The following VWF variants were observed in gnomAD, a reference collection of about 807,000 sequenced individuals.
VWF encodes Factor VIII related antigen.
A neutral mutation model predicts 308.6 loss-of-function variants in VWF; 176 were observed. The observed-to-expected ratio is 0.57, with a 90% confidence interval of 0.50 to 0.65. The LOEUF is 0.65. VWF is among the 30% of genes least tolerant of loss of function. VWF has a pLI of 0.00. For synonymous variants in VWF, 1,385 were observed against 1,443.4 expected (o/e 0.96, Z 0.92); for missense variants, 3,146 against 3,648.2 (o/e 0.86, Z 3.55).
intron 34 of VWF, among the ~76,000 whole-genome samples, chr12:6,009,464 C>CACACACACA: frequency 6.9e-6 from 1 of 144,916 alleles, no homozygotes; most frequent in Non-Finnish European, 1.5e-5. Context: ...CACACACACA[C>CACACACACA]CAGGAAATAC....
chr12:6,093,513 C>T (rs1475775868), intron 6 of VWF, among the ~76,000 whole-genome samples: 3 of 152,202 alleles, frequency 2.0e-5, no homozygotes, highest in South Asian at 2.1e-4. Context: ...CAAGGCTGCT[C>T]GAGAGCTCCC....
chr12:6,119,002 C>T (rs1945401364), intron 3 of VWF, among the ~76,000 whole-genome samples: 1 of 152,248 alleles, frequency 6.6e-6, no homozygotes, highest in Admixed American at 6.5e-5. Flanking sequence ...CTTTTCACTA[C>T]CTCCCTGGTT....
At chr12:6,114,262 G>T (rs970841196) in intron 3 of VWF, among the ~76,000 whole-genome samples, 2 of 152,204 alleles carry the variant, frequency 1.3e-5, no homozygotes, top group Non-Finnish European at 2.9e-5. Context: ...GAGGCAGCCA[G>T]GCAGCTTGGG....
chr12:5,971,823 G>C lies in VWF; in HGVS notation c.7438-114C>G, dbSNP rs1943480265. 1.3e-5 allele frequency: 12 copies of C among 911,812 alleles called. No homozygotes were observed. The South Asian group carries it at 1.6e-4, about 12-fold the overall frequency. The allele number at this position is 911,812 out of a possible 1,614,324, so 56.5% of individuals were successfully genotyped here. A position where few individuals can be genotyped will look rare whatever the true frequency, so the allele number is the denominator to read the frequency against. ...GGTTGTGCCAAGTGATCACTGGTCT[G>C]GGCATTTTCATCTTTGTTGTCAACC... On this transcript the variant is annotated intron_variant, in intron 43 of 51. Transcript: ENST00000261405.
intron 34 of VWF, among the ~76,000 whole-genome samples, chr12:5,999,463 T>TACACACAC (rs1399125118): frequency 9.1e-6 from 1 of 109,878 alleles, no homozygotes; most frequent in Non-Finnish European, 1.8e-5. Context: ...GATCCACATG[T>TACACACAC]ACACACATAC....
intron 38 of VWF, among the ~76,000 whole-genome samples, chr12:5,990,358 C>A (rs1358000303): frequency 6.6e-6 from 1 of 152,110 alleles, no homozygotes; most frequent in Non-Finnish European, 1.5e-5. Context: ...ATAGGATGTG[C>A]GATTATGACC....
chr12:5,982,241 A>G (rs949785083), intron 41 of VWF, among the ~76,000 whole-genome samples: 5 of 152,180 alleles, frequency 3.3e-5, no homozygotes, highest in African/African-American at 4.8e-5. Context: ...AGGCTGCTCA[A>G]TCCCTGCTCT....
intron 24 of VWF, 24 bp from the exon 25 acceptor site, chr12:6,023,811 C>G: frequency 6.2e-7 from 1 of 1,609,880 alleles, no homozygotes; most frequent in Non-Finnish European, 8.5e-7. Flanking sequence ...CTCAGGTGGC[C>G]CAGGCCTATG....
At chr12:5,951,187 T>C (rs1341347179) in intron 50 of VWF, among the ~76,000 whole-genome samples, 1 of 152,170 alleles carries the variant, frequency 6.6e-6, no homozygotes, top group African/African-American at 2.4e-5. Flanking sequence ...AACACAAGCA[T>C]GTATGGGAAG....
intron 34 of VWF, among the ~76,000 whole-genome samples, chr12:6,009,239 CA>C (rs4021588): frequency 0.052 from 6,479 of 125,436 alleles, 163 homozygotes; most frequent in Non-Finnish European, 0.071. Context: ...AACTCAATAG[CA>C]AAAAAAAAAA....
At position 5,948,993 on chromosome 12, in the gene VWF, C is replaced by T; in HGVS notation, c.*22G>A. 4 of 1,605,668 alleles carry T rather than the reference C, an allele frequency of 2.5e-6. No individual in the cohort carries two copies. Among genetic ancestry groups the T allele is most frequent in the South Asian group, 2.2e-5 (2 of 89,754 alleles). ...TCAGGCCAAGGCAGGCAGCAGCAGGCACCCATGCAGCTGCAGCAGCCTCAC... is the reference window on the plus strand; with the variant it reads ...TCAGGCCAAGGCAGGCAGCAGCAGGTACCCATGCAGCTGCAGCAGCCTCAC... On this transcript the variant is annotated 3_prime_UTR_variant, in exon 52 of 52. Transcript: ENST00000261405. The surrounding 1 kb of genome is among the most constrained non-coding windows in gnomAD (Gnocchi z 4.4).
chr12:6,085,819 G>A (rs1272240374), intron 6 of VWF, among the ~76,000 whole-genome samples: 1 of 152,122 alleles, frequency 6.6e-6, no homozygotes, highest in African/African-American at 2.4e-5. Context: ...GATAGGTGCA[G>A]CAAACTACCA....
At position 6,075,547 on chromosome 12, in the gene VWF, A is replaced by C. The variant is rs770423079; in HGVS notation, c.662T>G (p.Leu221Arg). The C allele has an allele frequency of 1.2e-6, 2 of 1,613,354 alleles. No homozygotes were observed. Among genetic ancestry groups the C allele is most frequent in the African/African-American group, 1.3e-5 (1 of 75,028 alleles). Residue 221 changes from leucine (L) to arginine (R), a missense_variant, in exon 7 of 52, where the codon CTG becomes CGG. Leu to Arg is a moderately radical substitution (Grantham distance 102). This residue lies in a region of VWF where 1,304 missense variants were observed against 1,353.0 expected (regional missense o/e 0.96). Transcript: ENST00000261405. The surrounding 1 kb of genome is among the most constrained non-coding windows in gnomAD (Gnocchi z 4.7). ...CTTCAGAAGCTGGCACTGCTCCCAC[A>C]GGCCCTGCAGGAAGAGGGGCCGCCT... ...NISSGEMQKG[L>R]WEQCQLLKST... is the part of the protein sequence containing the mutation.
At position 5,982,006 on chromosome 12, in the gene VWF, A is replaced by G. The variant is rs767865329; in HGVS notation, c.7082-15T>C. The stretch of plus-strand genomic sequence containing the variant: ...CTTCCTGCAGGCTGAGGGTAGGACA[A>G]GGCCACACTGAGCACTGCGCCCAGC... On this transcript the variant is annotated splice_polypyrimidine_tract_variant and intron_variant, in intron 41 of 51. Coordinates refer to ENST00000261405, the MANE Select transcript of VWF (RefSeq NM_000552.5). 2.5e-6 allele frequency: 4 copies of G among 1,612,456 alleles called. No homozygotes were observed. Among genetic ancestry groups the G allele is most frequent in the Non-Finnish European group, 3.4e-6 (4 of 1,179,556 alleles).
intron 5 of VWF, among the ~76,000 whole-genome samples, chr12:6,103,575 CACACACACAG>C (rs1324253978): frequency 1.5e-4 from 22 of 142,504 alleles, no homozygotes; most frequent in Non-Finnish European, 3.3e-4. Flanking sequence ...CACACACACA[CACACACACAG>C]ATCAATGGAA....
chr12:6,036,619 AGGACCAGGGCTGAGCCAGGG>A, intron 18 of VWF, 128 bp from the exon 19 acceptor site: 1 of 876,800 alleles, frequency 1.1e-6, no homozygotes, highest in South Asian at 1.4e-5. Flanking sequence ...GACTGGCACC[AGGACCAGGGCTGAGCCAGGG>A]GGACAGCTTC....
intron 16 of VWF, among the ~76,000 whole-genome samples, chr12:6,050,967 AAAG>A (rs1944502677): frequency 6.6e-6 from 1 of 152,078 alleles, no homozygotes. Context: ...AAAAAAAAAA[AAAG>A]AAGTGAACAT....
intron 38 of VWF, 90 bp from the exon 39 acceptor site, chr12:5,985,755 A>AGGGAG: frequency 1.6e-6 from 2 of 1,243,804 alleles, no homozygotes; most frequent in Non-Finnish European, 2.3e-6. Context: ...TGCCTCCGGC[A>AGGGAG]AGGGCCAGTC....
chr12:6,103,415 CGTGT>C (rs1209797536), intron 5 of VWF, among the ~76,000 whole-genome samples: 2 of 112,962 alleles, frequency 1.8e-5, no homozygotes, highest in Non-Finnish European at 1.6e-5. Context: ...TGTATACACA[CGTGT>C]GTGTATACAC....
Sources: gnomAD v4.1 joint callset for allele counts (sites outside exome capture counted in the v4.1 genomes callset) on GRCh38, gnomAD v4.1.1 for gene constraint, gnomAD v4.1.1 regional missense constraint, Gnocchi (gnomAD v3.1) non-coding constraint, MANE v1.5 for transcripts, NCBI Gene and HGNC (gene_info 2026-07-23, HGNC 2026-07-21) for gene names.